NELL1: variants seen among roughly 807,000 people sequenced by gnomAD.
The protein encoded by NELL1 is neural EGFL like 1.
A neutral mutation model predicts 107.4 loss-of-function variants in NELL1; 76 were observed. The ratio of observed to expected loss-of-function variants is 0.71; its 90% CI spans 0.59 to 0.86. The LOEUF (loss-of-function observed/expected upper bound fraction) is 0.86, where lower values mean the gene tolerates loss of function less well. NELL1 is among the 40% of genes least tolerant of loss of function. The probability of loss-of-function intolerance (pLI) is 0.00; values close to 1 mark genes in which losing one functional copy is unlikely to be tolerated. For synonymous variants in NELL1, 353 were observed against 341.2 expected (o/e 1.03, Z -0.38); for missense variants, 1,024 against 1,005.5 (o/e 1.02, Z -0.25).
intron 15 of NELL1, among the ~76,000 whole-genome samples, chr11:21,459,717 TG>T (rs1368692462): frequency 6.6e-6 from 1 of 152,078 alleles, no homozygotes; most frequent in Admixed American, 6.6e-5. Flanking sequence ...TGTTTCAAAT[TG>T]CTTAGTAGAT....
chr11:20,905,837 G>A (rs2134139184), intron 5 of NELL1, among the ~76,000 whole-genome samples: 1 of 152,274 alleles, frequency 6.6e-6, no homozygotes, highest in East Asian at 1.9e-4. Flanking sequence ...GGGTGTCTCA[G>A]ATGGAGAAGA....
intron 15 of NELL1, among the ~76,000 whole-genome samples, chr11:21,414,062 A>G (rs947011037): frequency 6.6e-6 from 1 of 152,116 alleles, no homozygotes; most frequent in Non-Finnish European, 1.5e-5. Flanking sequence ...ATTAAAGACT[A>G]GGGAGAAAGG....
chr11:20,918,671 C>T (rs564179029), intron 6 of NELL1, among the ~76,000 whole-genome samples: 180 of 152,074 alleles, frequency 1.2e-3, no homozygotes, highest in Middle Eastern at 3.4e-3. Flanking sequence ...GAGACTTATT[C>T]ACTACCATAA....
chr11:21,266,221 C>G (rs1848632137), intron 14 of NELL1, among the ~76,000 whole-genome samples: 1 of 151,900 alleles, frequency 6.6e-6, no homozygotes, highest in Non-Finnish European at 1.5e-5. Context: ...TAGAATGTAA[C>G]CTCTGTGAAG....
At chr11:21,173,506 T>A (rs971498541) in intron 13 of NELL1, among the ~76,000 whole-genome samples, 2 of 151,892 alleles carry the variant, frequency 1.3e-5, no homozygotes, top group African/African-American at 4.9e-5. Flanking sequence ...ACCTTTTTCA[T>A]GAAGACTTTC....
chr11:21,528,519 C>CCTCT (rs1554929482), intron 15 of NELL1, among the ~76,000 whole-genome samples: 2 of 109,926 alleles, frequency 1.8e-5, no homozygotes, highest in Non-Finnish European at 3.6e-5. Flanking sequence ...CCACCCCCCC[C>CCTCT]CCCTTTTTTT....
chr11:21,248,008 T>C (rs72945721), intron 14 of NELL1, among the ~76,000 whole-genome samples: 21 of 152,298 alleles, frequency 1.4e-4, no homozygotes, highest in South Asian at 1.2e-3. Context: ...TTCATTCCCA[T>C]TGGCAGAAAT....
intron 12 of NELL1, among the ~76,000 whole-genome samples, chr11:21,049,631 G>A (rs555407112): frequency 2.6e-5 from 4 of 152,242 alleles, no homozygotes; most frequent in African/African-American, 9.6e-5. Context: ...CACTGCCATA[G>A]GGTGTATCTT....
At chr11:21,075,227 T>C (rs890491020) in intron 12 of NELL1, among the ~76,000 whole-genome samples, 1 of 152,166 alleles carries the variant, frequency 6.6e-6, no homozygotes, top group African/African-American at 2.4e-5. Context: ...ATTTAGTACC[T>C]TTTAAATCTG....
At chr11:21,285,530 T>A (rs1357243922) in intron 14 of NELL1, among the ~76,000 whole-genome samples, 1 of 152,244 alleles carries the variant, frequency 6.6e-6, no homozygotes, top group Non-Finnish European at 1.5e-5. Flanking sequence ...TGGTCTTATT[T>A]ATGACCTTTA....
intron 4 of NELL1, among the ~76,000 whole-genome samples, chr11:20,858,183 G>T (rs1251035473): frequency 1.3e-5 from 2 of 152,124 alleles, no homozygotes; most frequent in Non-Finnish European, 2.9e-5. Context: ...GAAGCCTGTA[G>T]TCCTAATGCA....
chr11:21,507,883 C>T (rs182403614), intron 15 of NELL1, among the ~76,000 whole-genome samples: 637 of 151,746 alleles, frequency 4.2e-3, no homozygotes, highest in Non-Finnish European at 6.6e-3. Context: ...CGGGTTCCAG[C>T]GATTCTCCTG....
intron 5 of NELL1, among the ~76,000 whole-genome samples, chr11:20,906,351 A>T (rs1849997776): frequency 6.6e-6 from 1 of 152,100 alleles, no homozygotes; most frequent in Non-Finnish European, 1.5e-5. Context: ...TTGAACTGGT[A>T]ACAAAAATCT....
intron 14 of NELL1, among the ~76,000 whole-genome samples, chr11:21,344,880 A>G (rs201292558): frequency 6.0e-3 from 5 of 834 alleles, no homozygotes; most frequent in Non-Finnish European, 0.059. Context: ...TTCTCCAGGA[A>G]AAAAAAAAAT....
intron 2 of NELL1, among the ~76,000 whole-genome samples, chr11:20,692,773 G>T (rs2133868713): frequency 1.3e-5 from 2 of 152,276 alleles, no homozygotes; most frequent in Admixed American, 1.3e-4. Flanking sequence ...TTGATTTGGG[G>T]TGGAAAGTTC....
chr11:20,871,738 T>C (rs2134088220), intron 4 of NELL1, among the ~76,000 whole-genome samples: 1 of 152,082 alleles, frequency 6.6e-6, no homozygotes, highest in East Asian at 1.9e-4. Context: ...GAAGAGGCCC[T>C]GCTGGGCGTG....
intron 15 of NELL1, among the ~76,000 whole-genome samples, chr11:21,466,996 G>A (rs982731769): frequency 2.6e-5 from 4 of 152,000 alleles, no homozygotes; most frequent in Non-Finnish European, 5.9e-5. Flanking sequence ...TATGTGACAT[G>A]GAGTATTAAT....
At chr11:21,291,158 G>T (rs1849250532) in intron 14 of NELL1, among the ~76,000 whole-genome samples, 1 of 152,154 alleles carries the variant, frequency 6.6e-6, no homozygotes, top group South Asian at 2.1e-4. Flanking sequence ...ATGACCTGAT[G>T]GAGCTGAAGA....
chr11:21,392,892 T>G (rs918790642), intron 15 of NELL1, among the ~76,000 whole-genome samples: 6 of 151,800 alleles, frequency 4.0e-5, no homozygotes, highest in Non-Finnish European at 8.8e-5. Flanking sequence ...AATAGAGCAT[T>G]ATTTAAGATA....
Sources: allele counts gnomAD v4.1 joint callset (sites outside exome capture counted in the v4.1 genomes callset), GRCh38; gene constraint gnomAD v4.1.1; transcripts MANE v1.5; gene names NCBI Gene and HGNC (gene_info 2026-07-23, HGNC 2026-07-21).